MAGI3: variants seen among roughly 807,000 people sequenced by gnomAD.
MAGI3 encodes membrane associated guanylate kinase, WW and PDZ domain containing 3, also known as membrane-associated guanylate kinase, WW and PDZ domain-containing protein 3.
Under a neutral mutation model 121.8 loss-of-function variants are expected in MAGI3, and 43 were observed. That is an observed-to-expected ratio of 0.35 (90% CI 0.28 to 0.46). The LOEUF (loss-of-function observed/expected upper bound fraction) is 0.46. MAGI3 is among the 20% of genes least tolerant of loss of function. The pLI, the probability that MAGI3 is intolerant of heterozygous loss-of-function variation, is 1.00. For synonymous variants in MAGI3, 553 were observed against 639.3 expected (o/e 0.86, Z 2.04); for missense variants, 1,547 against 1,797.3 (o/e 0.86, Z 2.52).
chr1:113,454,262 G>A (rs968104783), intron 1 of MAGI3, among the ~76,000 whole-genome samples: 1 of 152,088 alleles, frequency 6.6e-6, no homozygotes, highest in Non-Finnish European at 1.5e-5. Context: ...TCCTTTAGGG[G>A]TAGCTTAGCT....
intron 1 of MAGI3, 84 bp from the exon 2 acceptor site, chr1:113,549,422 TTTAAGAGTA>T: frequency 1.6e-6 from 1 of 644,364 alleles, no homozygotes; most frequent in Non-Finnish European, 2.7e-6. Flanking sequence ...AGCTAACTGG[TTTAAGAGTA>T]TTCAGTTACT....
chr1:113,532,556 G>T (rs1658777293), intron 1 of MAGI3, among the ~76,000 whole-genome samples: 1 of 151,830 alleles, frequency 6.6e-6, no homozygotes, highest in Non-Finnish European at 1.5e-5. Context: ...CTTCTAAATT[G>T]TCACATCTGT....
At chr1:113,454,430 T>TA (rs1455562534) in intron 1 of MAGI3, among the ~76,000 whole-genome samples, 1 of 152,170 alleles carries the variant, frequency 6.6e-6, no homozygotes, top group African/African-American at 2.4e-5. Context: ...CAAATTACCT[T>TA]ACCTCTCTTG....
Position 113,585,477 on chromosome 1 carries a change from A to T in MAGI3, c.644A>T (p.Asp215Val), listed in dbSNP as rs1648307972. Residue 215 changes from aspartate (D) to valine (V), a missense_variant, in exon 4 of 21, where the codon GAT (aspartate) becomes GTT (valine). Transcript: ENST00000307546. ...CAAGTCCTCTTTGATAATGAGTTTGATGCAGAATCTCAAAGAAAACGAACG... is the reference window on the plus strand; with the variant it reads ...CAAGTCCTCTTTGATAATGAGTTTGTTGCAGAATCTCAAAGAAAACGAACG... ...VDQVLFDNEF[D>V]AESQRKRTTS... 1.2e-6 allele frequency: 2 copies of T among 1,614,016 alleles called. No individual in the cohort carries two copies. Among genetic ancestry groups the T allele is most frequent in the Admixed American group, 1.7e-5 (1 of 59,978 alleles).
Position 113,390,925 on chromosome 1 carries a change from C to A in MAGI3, c.-109C>A. ...GGGTGGGGGCCGGAGCGGCGAGGCC[C>A]CCCTTACCGGGCTGCGCGGGCCGCC... On this transcript the variant is annotated 5_prime_UTR_variant, in exon 1 of 21. Transcript: ENST00000307546. 1.2e-6 allele frequency: 1 copy of A among 842,450 alleles called. No homozygotes were observed. The highest frequency in any genetic ancestry group is 1.6e-6 in the Non-Finnish European group (1 of 637,312). The allele number at this position is 842,450 out of a possible 1,614,324, so 52.2% of individuals were successfully genotyped here.
At chr1:113,444,874 G>C (rs905543794) in intron 1 of MAGI3, among the ~76,000 whole-genome samples, 4 of 152,086 alleles carry the variant, frequency 2.6e-5, no homozygotes, top group Admixed American at 2.6e-4. Context: ...CATAATGTAT[G>C]AACAAAGTGG....
intron 6 of MAGI3, among the ~76,000 whole-genome samples, chr1:113,613,649 G>GA (rs1038119481): frequency 6.6e-6 from 1 of 152,096 alleles, no homozygotes; most frequent in African/African-American, 2.4e-5. Context: ...AAGAGAAATT[G>GA]AAAATAAAAG....
rs193118693 is a variant in MAGI3, at chr1:113,539,317, C to T, written c.317-10198C>T. Among the ~76,000 whole-genome samples the T allele has an allele frequency of 5.0e-3, 749 of 150,914 alleles. 29 individuals carry two copies. The highest frequency in any genetic ancestry group is 0.044 in the Admixed American group (664 of 15,108). On this transcript the variant is annotated intron_variant, in intron 1 of 20. Transcript: ENST00000307546. The stretch of plus-strand genomic sequence containing the variant: ...CTGAGGCAGGAGAATTGCTTGAACC[C>T]GGGAGGTGGAGGTTGCAGTGAGCCA...
rs145209231 is a variant in MAGI3 at position 113,659,823 on chromosome 1, G to A, written c.2815+558G>A. 4.5e-4 allele frequency among the ~76,000 whole-genome samples: 69 copies of A among 152,284 alleles called. No homozygotes were observed. In the East Asian group the frequency reaches 0.013, roughly 28 times the overall value. On this transcript the variant is annotated intron_variant, in intron 16 of 20. Transcript: ENST00000307546. ...GTTTAATGTCTTGCCTTGCTGTAAA[G>A]CTGCCTTTTGATCATTAAGAATTTC...
At chr1:113,539,855 C>T (rs1659197937) in intron 1 of MAGI3, among the ~76,000 whole-genome samples, 1 of 150,258 alleles carries the variant, frequency 6.7e-6, no homozygotes, top group East Asian at 2.0e-4. Flanking sequence ...GTGGTGCGAT[C>T]ATGGCTCACT....
chr1:113,612,104 C>T (rs1650189512), intron 6 of MAGI3, among the ~76,000 whole-genome samples: 1 of 152,030 alleles, frequency 6.6e-6, no homozygotes, highest in African/African-American at 2.4e-5. Context: ...CCACCACACC[C>T]AGATAATTTT....
chr1:113,497,247 T>A lies in MAGI3; in HGVS notation c.317-52268T>A, dbSNP rs1656969927. ...AATAGGAACAGCTCCGGTCTACAGCTCCCAGCGTGAGCGACGCAGAAGACG... is the reference window on the plus strand; with the variant it reads ...AATAGGAACAGCTCCGGTCTACAGCACCCAGCGTGAGCGACGCAGAAGACG... On this transcript the variant is annotated intron_variant, in intron 1 of 20. Coordinates refer to ENST00000307546, the MANE Select transcript of MAGI3 (RefSeq NM_001142782.2). 4.7e-5 allele frequency among the ~76,000 whole-genome samples: 5 copies of A among 105,288 alleles called. 2 individuals carry two copies. The Admixed American group carries it at 5.5e-4, about 12-fold the overall frequency. 69.1% of individuals were successfully genotyped at this position (105,288 alleles called of 152,430 possible).
At chr1:113,634,874 G>A (rs1024178373) in intron 9 of MAGI3, among the ~76,000 whole-genome samples, 1 of 152,146 alleles carries the variant, frequency 6.6e-6, no homozygotes, top group Non-Finnish European at 1.5e-5. Flanking sequence ...AGCATGGAAT[G>A]TTCTTCCATT....
intron 1 of MAGI3, among the ~76,000 whole-genome samples, chr1:113,454,486 G>T (rs565588025): frequency 2.0e-5 from 3 of 152,212 alleles, no homozygotes; most frequent in South Asian, 4.2e-4. Flanking sequence ...CTATTACACA[G>T]AATTTCTTTT....
At chr1:113,511,518 C>T (rs906739637) in intron 1 of MAGI3, among the ~76,000 whole-genome samples, 17 of 152,264 alleles carry the variant, frequency 1.1e-4, no homozygotes, top group South Asian at 4.2e-4. Flanking sequence ...AAGAGCACAC[C>T]GAGCAGGGTA....
In MAGI3 at chr1:113,422,620, G is replaced by T. The variant is rs1018716465; in HGVS notation, c.316+31271G>T. On this transcript the variant is annotated intron_variant, in intron 1 of 20. Transcript: ENST00000307546. The surrounding 1 kb of genome is among the most constrained non-coding windows in gnomAD (Gnocchi z 4.3). ...CGGCGCTGGCACAGGCGCCTGCTCC[G>T]TGCAAGGGTGCATCTATACCAGACA... 1.3e-5 allele frequency among the ~76,000 whole-genome samples: 2 copies of T among 152,236 alleles called. No homozygotes were observed. Among genetic ancestry groups the T allele is most frequent in the Admixed American group, 6.5e-5 (1 of 15,292 alleles).
intron 7 of MAGI3, 58 bp from the exon 8 acceptor site, chr1:113,619,678 T>G (rs1390248204): frequency 8.6e-7 from 1 of 1,162,062 alleles, no homozygotes; most frequent in African/African-American, 1.5e-5. Context: ...ATAGACTATT[T>G]AAGAATATGT....
At chr1:113,482,420 A>G (rs1656154867) in intron 1 of MAGI3, among the ~76,000 whole-genome samples, 2 of 152,024 alleles carry the variant, frequency 1.3e-5, no homozygotes, top group African/African-American at 2.4e-5. Context: ...CACAGCCTCA[A>G]TCTGCCAGGC....
chr1:113,473,448 A>G (rs1655647150), intron 1 of MAGI3, among the ~76,000 whole-genome samples: 1 of 111,154 alleles, frequency 9.0e-6, no homozygotes, highest in Non-Finnish European at 1.7e-5. Flanking sequence ...CCAGTTTGTG[A>G]TGCTCTCTGC....
Sources: allele counts gnomAD v4.1 joint callset (sites outside exome capture counted in the v4.1 genomes callset), GRCh38; gene constraint gnomAD v4.1.1; non-coding constraint Gnocchi (gnomAD v3.1); transcripts MANE v1.5; gene names NCBI Gene and HGNC (gene_info 2026-07-23, HGNC 2026-07-21).